Variants in LRRC4C observed in about 807,000 individuals in gnomAD.
LRRC4C encodes leucine rich repeat containing 4C.
LRRC4C carries 5 observed loss-of-function variants against 33.6 expected under a neutral mutation model. That is an observed-to-expected ratio of 0.15 (90% CI 0.08 to 0.31). The LOEUF is 0.31. Ranked by LOEUF, LRRC4C falls within the 10% of genes least tolerant of loss-of-function variation. LRRC4C has a pLI of 1.00. For synonymous variants in LRRC4C, 329 were observed against 302.0 expected (o/e 1.09, Z -0.93); for missense variants, 560 against 796.7 (o/e 0.70, Z 3.58).
intron 5 of LRRC4C, among the ~76,000 whole-genome samples, chr11:40,175,882 C>T (rs1054264033): frequency 3.3e-5 from 5 of 152,216 alleles, no homozygotes; most frequent in African/African-American, 2.4e-5. Flanking sequence ...TAACACTTCA[C>T]CCTGCCACCA....
At chr11:40,752,615 A>G (rs532039923) in intron 2 of LRRC4C, among the ~76,000 whole-genome samples, 1 of 151,994 alleles carries the variant, frequency 6.6e-6, no homozygotes, top group African/African-American at 2.4e-5. Flanking sequence ...GCAACAACAA[A>G]AAAAAACAGA....
At chr11:40,730,461 G>A (rs1339239513) in intron 2 of LRRC4C, among the ~76,000 whole-genome samples, 1 of 152,168 alleles carries the variant, frequency 6.6e-6, no homozygotes, top group Non-Finnish European at 1.5e-5. Context: ...CAGGTTTAAA[G>A]TTTTGAGGTA....
intron 1 of LRRC4C, among the ~76,000 whole-genome samples, chr11:41,015,779 C>T (rs1422017121): frequency 6.6e-6 from 1 of 152,024 alleles, no homozygotes; most frequent in Non-Finnish European, 1.5e-5. Flanking sequence ...CAGTAGTGCT[C>T]AGAAACTTTC....
At position 40,461,986 on chromosome 11, in the gene LRRC4C, C is replaced by G. The variant is rs1443666601; in HGVS notation, c.-269-142265G>C. On this transcript the variant is annotated intron_variant, in intron 3 of 6. Transcript: ENST00000528697. The stretch of plus-strand genomic sequence containing the variant: ...GATGGAAAGGAGGGGAACAGGAAGA[C>G]TAGGTGGTCCATTTGTTAGAGTGGA... Among the ~76,000 whole-genome samples the G allele has an allele frequency of 2.0e-5, 3 of 151,792 alleles. No homozygotes were observed. In the East Asian group the frequency reaches 5.8e-4, roughly 29 times the overall value.
At chr11:40,458,859 G>GT (rs1224812872) in intron 3 of LRRC4C, among the ~76,000 whole-genome samples, 3 of 151,982 alleles carry the variant, frequency 2.0e-5, no homozygotes, top group African/African-American at 7.3e-5. Flanking sequence ...GTTTTCCTAG[G>GT]TTTTTTATTT....
intron 5 of LRRC4C, among the ~76,000 whole-genome samples, chr11:40,179,463 G>A (rs917918253): frequency 5.9e-5 from 9 of 152,114 alleles, no homozygotes; most frequent in Non-Finnish European, 8.8e-5. Flanking sequence ...AGGCCACAGC[G>A]ACCATTAAAT....
rs529121296 is a variant in LRRC4C, at chr11:41,025,732, G to C, written c.-495-92009C>G. ...GGCTACACCAAACAACAGACATTTC[G>C]TGTCAAGGAGACAGCCTTATACTGG... On this transcript the variant is annotated intron_variant, in intron 1 of 6. Coordinates refer to ENST00000528697, the MANE Select transcript of LRRC4C (RefSeq NM_001258419.2). 4.5e-4 allele frequency among the ~76,000 whole-genome samples: 68 copies of C among 151,770 alleles called. 1 individual carries two copies. In the South Asian group the frequency reaches 0.011, roughly 24 times the overall value.
rs138334905 is a variant in LRRC4C, at chr11:40,164,114, T to A, written c.-95-23261A>T. 1.2e-3 allele frequency among the ~76,000 whole-genome samples: 186 copies of A among 152,320 alleles called. 4 individuals carry two copies. In the East Asian group the frequency reaches 0.032, roughly 26 times the overall value. ...CTGAGTATCCTCTAAGAGCTGAGTA[T>A]GTGGCCTGACAGCCAGCAAAAAAGC... is the stretch of plus-strand genomic sequence containing the variant. On this transcript the variant is annotated intron_variant, in intron 5 of 6. Transcript: ENST00000528697.
chr11:40,464,318 G>C (rs1220313595), intron 3 of LRRC4C, among the ~76,000 whole-genome samples: 1 of 151,640 alleles, frequency 6.6e-6, no homozygotes, highest in African/African-American at 2.4e-5. Flanking sequence ...GGCATCAAAG[G>C]AACACATATC....
chr11:41,065,457 C>T lies in LRRC4C; in HGVS notation c.-495-131734G>A, dbSNP rs116225337. On this transcript the variant is annotated intron_variant, in intron 1 of 6. Transcript: ENST00000528697. Reference sequence around the variant, plus strand: ...GGACAGAGAACCTATGGGGAGGGGCCGGTGCAGACTCAGGTTCAGTGAACT... The same window carrying T: ...GGACAGAGAACCTATGGGGAGGGGCTGGTGCAGACTCAGGTTCAGTGAACT... 8.7e-3 allele frequency among the ~76,000 whole-genome samples: 1,320 copies of T among 152,242 alleles called. 17 individuals are homozygous for T. Among genetic ancestry groups the T allele is most frequent in the African/African-American group, 0.029 (1,211 of 41,552 alleles).
chr11:40,400,160 G>T (rs562000494), intron 3 of LRRC4C, among the ~76,000 whole-genome samples: 7 of 152,128 alleles, frequency 4.6e-5, no homozygotes, highest in Non-Finnish European at 1.0e-4. Flanking sequence ...AGACATAGTA[G>T]ACTACTCAGC....
chr11:41,212,636 C>T (rs1946870586), intron 1 of LRRC4C, among the ~76,000 whole-genome samples: 1 of 152,170 alleles, frequency 6.6e-6, no homozygotes, highest in South Asian at 2.1e-4. Flanking sequence ...CCATTCAGCT[C>T]CCACTTATAA....
At chr11:40,157,867 TA>T in intron 5 of LRRC4C, among the ~76,000 whole-genome samples, 1 of 151,952 alleles carries the variant, frequency 6.6e-6, no homozygotes, top group South Asian at 2.1e-4. Flanking sequence ...TTAAAAAAAC[TA>T]AAGGTAAGAA....
intron 1 of LRRC4C, among the ~76,000 whole-genome samples, chr11:41,008,215 CA>C (rs1339262677): frequency 1.3e-5 from 2 of 151,998 alleles, no homozygotes; most frequent in Non-Finnish European, 2.9e-5. Context: ...CAATCCATAC[CA>C]CATACAACAG....
At chr11:41,016,774 G>C (rs925331937) in intron 1 of LRRC4C, among the ~76,000 whole-genome samples, 3 of 152,126 alleles carry the variant, frequency 2.0e-5, no homozygotes, top group African/African-American at 7.2e-5. Context: ...ACTCGACTCT[G>C]AAAGATTTGA....
chr11:40,927,871 G>A (rs551309914), intron 2 of LRRC4C, among the ~76,000 whole-genome samples: 2 of 152,246 alleles, frequency 1.3e-5, no homozygotes, highest in South Asian at 4.1e-4. Context: ...CTGGGGAGAG[G>A]TATGTATATC....
At chr11:40,181,011 C>T (rs1432049588) in intron 5 of LRRC4C, among the ~76,000 whole-genome samples, 1 of 152,132 alleles carries the variant, frequency 6.6e-6, no homozygotes, top group Non-Finnish European at 1.5e-5. Context: ...CTTGTTCTGT[C>T]ACCAAGGTAG....
chr11:40,252,371 A>C (rs1866858167), intron 4 of LRRC4C, among the ~76,000 whole-genome samples: 2 of 151,822 alleles, frequency 1.3e-5, no homozygotes, highest in Admixed American at 1.3e-4. Flanking sequence ...CACCCCCCTA[A>C]CATATACTCT....
intron 1 of LRRC4C, among the ~76,000 whole-genome samples, chr11:41,236,622 A>G (rs571299242): frequency 6.6e-6 from 1 of 152,128 alleles, no homozygotes; most frequent in East Asian, 1.9e-4. Flanking sequence ...GGAACAAGTG[A>G]TATCTTGATT....
Sources: gnomAD v4.1 joint callset for allele counts (sites outside exome capture counted in the v4.1 genomes callset) on GRCh38, gnomAD v4.1.1 for gene constraint, MANE v1.5 for transcripts, NCBI Gene and HGNC (gene_info 2026-07-23, HGNC 2026-07-21) for gene names.